Variants in MITF observed in about 807,000 individuals in gnomAD.
MITF encodes microphthalmia-associated transcription factor.
A neutral mutation model predicts 60.5 loss-of-function variants in MITF; 17 were observed. That is an observed-to-expected ratio of 0.28 (90% CI 0.19 to 0.42). MITF has a LOEUF of 0.42. Ranked by LOEUF, MITF falls within the 10% of genes least tolerant of loss-of-function variation. The pLI, the probability that MITF is intolerant of heterozygous loss-of-function variation, is 1.00. For missense variants in MITF, 622 were observed against 683.5 expected (o/e 0.91, Z 1.00); for synonymous variants, 260 against 248.5 (o/e 1.05, Z -0.43).
chr3:69,803,621 T>C (rs575207850), intron 1 of MITF, among the ~76,000 whole-genome samples: 1 of 152,220 alleles, frequency 6.6e-6, no homozygotes, highest in Non-Finnish European at 1.5e-5. Context: ...GTAAATCTAA[T>C]TTTTTAAAAT....
intron 2 of MITF, among the ~76,000 whole-genome samples, chr3:69,910,505 A>G (rs74620962): frequency 0.015 from 2,348 of 151,786 alleles, 29 homozygotes; most frequent in Middle Eastern, 0.051. Flanking sequence ...GCTTGGAAAA[A>G]CCTCAGACAC....
rs557747520 is a variant in MITF at position 69,862,901 on chromosome 3, G to T, written c.105-16233G>T. ...TCTGCATTTTGTGCTTAGTTTTTCT[G>T]ATATTATTTTTTCCTCCCCAACCAC... On this transcript the variant is annotated intron_variant, in intron 1 of 9. Coordinates refer to ENST00000352241, the MANE Select transcript of MITF (RefSeq NM_001354604.2). Among the ~76,000 whole-genome samples the T allele has an allele frequency of 2.0e-5, 3 of 152,106 alleles. No homozygotes were observed. The South Asian group carries it at 6.2e-4, about 32-fold the overall frequency.
chr3:69,841,050 C>T (rs2063627902), intron 1 of MITF, among the ~76,000 whole-genome samples: 1 of 152,182 alleles, frequency 6.6e-6, no homozygotes, highest in African/African-American at 2.4e-5. Flanking sequence ...GCCACCACAC[C>T]AGGCCTCTAA....
At chr3:69,767,430 A>C (rs1357277631) in intron 1 of MITF, among the ~76,000 whole-genome samples, 1 of 151,948 alleles carries the variant, frequency 6.6e-6, no homozygotes, top group Admixed American at 6.6e-5. Flanking sequence ...CTAAAAATAC[A>C]AAAAATTAGC....
chr3:69,954,246 T>G (rs1360009993), intron 7 of MITF, among the ~76,000 whole-genome samples: 1 of 152,222 alleles, frequency 6.6e-6, no homozygotes, highest in Admixed American at 6.5e-5. Context: ...TGTTTCTTAT[T>G]TAACACATAT....
chr3:69,862,759 G>A (rs1220514507), intron 1 of MITF, among the ~76,000 whole-genome samples: 4 of 152,144 alleles, frequency 2.6e-5, no homozygotes, highest in Admixed American at 2.6e-4. Flanking sequence ...TTTAGTTAAG[G>A]TTCAGCTTTT....
rs2107278767 is a variant in MITF at position 69,879,373 on chromosome 3, A to C, written c.344A>C (p.Glu115Ala). The C allele has an allele frequency of 6.2e-7, 1 of 1,614,204 alleles. No homozygotes were observed. The highest frequency in any genetic ancestry group is 8.5e-7 in the Non-Finnish European group (1 of 1,180,042). The change falls in exon 2 of 10, where the codon GAA becomes GCA. Residue 115 changes from glutamate to alanine, a missense_variant. Transcript: ENST00000352241. ...CCCTCTGCCACGCAGGTGCCGATGG[A>C]AGTCCTTAAGGTACGTGAGTGTTGC... The part of the protein sequence containing the change: ...TLPSATQVPM[E>A]VLKVQTHLEN...
intron 7 of MITF, among the ~76,000 whole-genome samples, chr3:69,953,284 T>G (rs2066302379): frequency 6.6e-6 from 1 of 152,150 alleles, no homozygotes; most frequent in African/African-American, 2.4e-5. Context: ...TTAAGTGAGA[T>G]GTGGAAAACT....
intron 1 of MITF, among the ~76,000 whole-genome samples, chr3:69,743,398 T>C (rs1003071083): frequency 1.2e-4 from 19 of 152,230 alleles, no homozygotes; most frequent in Admixed American, 9.8e-4. Flanking sequence ...GTGTTTCCTT[T>C]AAAATAGATA....
chr3:69,959,353 C>A lies in MITF; in HGVS notation c.1112C>A (p.Ala371Glu). 2 of 1,613,964 alleles carry A rather than the reference C, an allele frequency of 1.2e-6. No individual in the cohort carries two copies. The highest frequency in any genetic ancestry group is 1.7e-6 in the Non-Finnish European group (2 of 1,179,932). The change falls in exon 9 of 10, where the codon GCA (alanine) becomes GAA (glutamate). Residue 371 changes from alanine (A) to glutamate (E), a missense_variant. By Grantham distance (107) the Ala-to-Glu change is moderately radical. Coordinates refer to ENST00000352241, the MANE Select transcript of MITF (RefSeq NM_001354604.2). ...IRKLQREQQR[A>E]KELENRQKKL... is the part of the protein sequence containing the mutation. ...AAGTTGCAACGAGAACAGCAACGCG[C>A]AAAAGAACTTGAAAACCGACAGAAG...
Position 69,817,506 on chromosome 3 carries a change from T to C in MITF, c.105-61628T>C, listed in dbSNP as rs557894508. On this transcript the variant is annotated intron_variant, in intron 1 of 9. Coordinates refer to ENST00000352241, the MANE Select transcript of MITF (RefSeq NM_001354604.2). ...AACATTACTGTATACTCTGGATGGA[T>C]GTGTGTGTGGTGTGTGTGTGTGTGC... is the stretch of plus-strand genomic sequence containing the variant. Among the ~76,000 whole-genome samples, 3 of 152,138 alleles carry C rather than the reference T, an allele frequency of 2.0e-5. No homozygotes were observed. The South Asian group carries it at 6.2e-4, about 32-fold the overall frequency.
chr3:69,904,376 T>C (rs899685424), intron 2 of MITF, among the ~76,000 whole-genome samples: 1 of 152,180 alleles, frequency 6.6e-6, no homozygotes, highest in African/African-American at 2.4e-5. Context: ...AATTTGCCCA[T>C]ACCAGGTACT....
At chr3:69,810,917 T>G (rs1308433156) in intron 1 of MITF, among the ~76,000 whole-genome samples, 2 of 152,206 alleles carry the variant, frequency 1.3e-5, no homozygotes, top group African/African-American at 2.4e-5. Flanking sequence ...CTACCTAAAA[T>G]TTGGATAAAA....
Position 69,951,798 on chromosome 3 carries a change from A to G in MITF, c.881-14A>G. On this transcript the variant is annotated splice_polypyrimidine_tract_variant and intron_variant, in intron 6 of 9. Transcript: ENST00000352241. The stretch of plus-strand genomic sequence containing the variant: ...AACAGTTCCAACTTCTAATGACTTC[A>G]TTCACGTGCACAGCGTGTATTTTTC... 1 of 1,610,578 alleles carries G rather than the reference A, an allele frequency of 6.2e-7. No homozygotes were observed. The highest frequency in any genetic ancestry group is 1.3e-5 in the African/African-American group (1 of 74,966).
rs1417678973 is a variant in MITF, at chr3:69,939,155, A to T, written c.640A>T (p.Thr214Ser). The T allele has an allele frequency of 1.1e-5, 18 of 1,614,014 alleles. No homozygotes were observed. Among genetic ancestry groups the T allele is most frequent in the Non-Finnish European group, 1.4e-5 (17 of 1,180,012 alleles). Reference protein sequence around the residue: ...RAESECPGMNTHSRASCMQMD... With the variant: ...RAESECPGMNSHSRASCMQMD... Reference sequence around the variant, plus strand: ...AGAGAGCGAGTGCCCAGGCATGAACACACATTCACGAGCGTCCTGTATGCA... The same window carrying T: ...AGAGAGCGAGTGCCCAGGCATGAACTCACATTCACGAGCGTCCTGTATGCA... The change falls in exon 4 of 10, where the codon ACA (threonine) becomes TCA (serine). Residue 214 changes from threonine (T) to serine (S), a missense_variant. Physicochemically the swap from Thr to Ser is moderately conservative, Grantham distance 58. Around this residue, in one of 5 missense-constraint regions of MITF, gnomAD observed 215 missense variants for 224.8 expected, o/e 0.96. Transcript: ENST00000352241.
At chr3:69,919,107 T>A (rs555989574) in intron 2 of MITF, among the ~76,000 whole-genome samples, 7 of 152,318 alleles carry the variant, frequency 4.6e-5, no homozygotes, top group Non-Finnish European at 1.0e-4. Context: ...CATATTTCAA[T>A]ACCAAAACGG....
At chr3:69,941,984 C>A (rs568815274) in intron 5 of MITF, among the ~76,000 whole-genome samples, 1 of 152,178 alleles carries the variant, frequency 6.6e-6, no homozygotes, top group East Asian at 1.9e-4. Context: ...GTATCATTGC[C>A]CTCAGTTTTA....
In MITF at chr3:69,937,885, A is replaced by G; in HGVS notation, c.418A>G (p.Lys140Glu). ...HIQQAQRQQV[K>E]QYLSTTLANK... is the part of the protein sequence containing the mutation. ...ACAGCAAGCCCAACGGCAGCAGGTAAAGCAGTACCTTTCTACCACTTTAGC... is the reference window on the plus strand; with the variant it reads ...ACAGCAAGCCCAACGGCAGCAGGTAGAGCAGTACCTTTCTACCACTTTAGC... Residue 140 changes from lysine to glutamate, a missense_variant, in exon 3 of 10, where the codon AAG becomes GAG. By Grantham distance (56) the Lys-to-Glu change is moderately conservative. Around this residue, in one of 5 missense-constraint regions of MITF, gnomAD observed 215 missense variants for 224.8 expected, o/e 0.96. Transcript: ENST00000352241. 6.2e-7 allele frequency: 1 copy of G among 1,614,102 alleles called. No individual in the cohort carries two copies.
intron 1 of MITF, among the ~76,000 whole-genome samples, chr3:69,810,025 AATTCTC>A (rs2063075698): frequency 6.6e-6 from 1 of 152,090 alleles, no homozygotes; most frequent in Non-Finnish European, 1.5e-5. Flanking sequence ...TGTTGTTAGA[AATTCTC>A]ATTTTCACCT....
Sources: gnomAD v4.1 joint callset for allele counts (sites outside exome capture counted in the v4.1 genomes callset) on GRCh38, gnomAD v4.1.1 for gene constraint, gnomAD v4.1.1 regional missense constraint, MANE v1.5 for transcripts, NCBI Gene and HGNC (gene_info 2026-07-23, HGNC 2026-07-21) for gene names.